The following LRRC20 variants were observed in gnomAD, a reference collection of about 807,000 sequenced individuals.
The protein encoded by LRRC20 is leucine rich repeat containing 20.
In LRRC20, 11 loss-of-function variants were observed where a neutral mutation model predicts 14.4. That is an observed-to-expected ratio of 0.77 (90% CI 0.48 to 1.27). The LOEUF is 1.27. Among genes scored for constraint, LRRC20 ranks in the 50% most tolerant of loss-of-function variants. The pLI is 0.00. For missense variants in LRRC20, 219 were observed against 251.2 expected, an observed-to-expected ratio of 0.87 and a Z score of 0.87; for synonymous variants, 121 against 107.3, an observed-to-expected ratio of 1.13 and a Z score of -0.79.
At chr10:70,331,603 T>G (rs573254441) in intron 3 of LRRC20, among the ~76,000 whole-genome samples, 2 of 152,258 alleles carry the variant, frequency 1.3e-5, no homozygotes, top group African/African-American at 4.8e-5. Context: ...CCCCCTCTTC[T>G]GGACAGAGAG....
At chr10:70,321,099 CT>C (rs1842062400) in intron 4 of LRRC20, among the ~76,000 whole-genome samples, 2 of 152,090 alleles carry the variant, frequency 1.3e-5, no homozygotes, top group Admixed American at 1.3e-4. Flanking sequence ...CTTACTAAAG[CT>C]TTAAAGGCCA....
In LRRC20 at chr10:70,340,559, G is replaced by C. The variant is rs576978660; in HGVS notation, c.226C>G (p.Leu76Val). The C allele has an allele frequency of 3.3e-5, 53 of 1,614,170 alleles. No individual in the cohort carries two copies. The African/African-American group carries it at 5.9e-4, about 18-fold the overall frequency. The change falls in exon 3 of 5, where the codon CTC becomes GTC. Residue 76 changes from leucine to valine, a missense_variant. Leu to Val is a conservative substitution (Grantham distance 32, BLOSUM62 1). Transcript: ENST00000446961. ...GGAGCTGACCAGGGCCTACCTCGGA[G>C]CTGACTGAATGTGGTCATGAACTTG... Reference protein sequence around the residue: ...TSKFMTTFSQLRELHLEGNFL... With the variant: ...TSKFMTTFSQVRELHLEGNFL...
At chr10:70,364,656 G>A (rs746121372) in intron 2 of LRRC20, among the ~76,000 whole-genome samples, 2 of 151,888 alleles carry the variant, frequency 1.3e-5, no homozygotes, top group Non-Finnish European at 2.9e-5. Flanking sequence ...CTCGGCTTCC[G>A]GTCCTTGGCT....
intron 2 of LRRC20, among the ~76,000 whole-genome samples, chr10:70,354,407 T>C (rs900937664): frequency 6.6e-5 from 10 of 152,064 alleles, no homozygotes; most frequent in Admixed American, 4.6e-4. Context: ...CCACACTAAG[T>C]AGCAAGGGCT....
At chr10:70,347,116 C>A (rs1441084478) in intron 2 of LRRC20, among the ~76,000 whole-genome samples, 3 of 152,158 alleles carry the variant, frequency 2.0e-5, no homozygotes, top group African/African-American at 7.2e-5. Flanking sequence ...GAACTCCTGG[C>A]CTCAAGTGAT....
At chr10:70,353,057 T>G (rs1199205946) in intron 2 of LRRC20, among the ~76,000 whole-genome samples, 3 of 152,150 alleles carry the variant, frequency 2.0e-5, no homozygotes, top group Non-Finnish European at 2.9e-5. Context: ...TGGCCAGAAC[T>G]TTCTCCTGCA....
intron 4 of LRRC20, among the ~76,000 whole-genome samples, chr10:70,318,979 G>A (rs1841977547): frequency 6.6e-6 from 1 of 151,394 alleles, no homozygotes; most frequent in African/African-American, 2.4e-5. Flanking sequence ...GCTAATTTTT[G>A]TACTTTTTGT....
chr10:70,326,212 T>G (rs1842312729), intron 3 of LRRC20, among the ~76,000 whole-genome samples: 1 of 151,526 alleles, frequency 6.6e-6, no homozygotes, highest in East Asian at 2.0e-4. Flanking sequence ...AGCCCCACAA[T>G]GCAGCTGCTC....
Position 70,367,424 on chromosome 10 carries a change from G to A in LRRC20, c.82+9028C>T, listed in dbSNP as rs149973152. The stretch of plus-strand genomic sequence containing the variant: ...ATGCAAATGTTTACAGGCTTTGTTC[G>A]TGATGTTAAAAAATGAAACAGTCCA... On this transcript the variant is annotated intron_variant, in intron 2 of 4. Coordinates refer to ENST00000446961, the MANE Select transcript of LRRC20 (RefSeq NM_001278212.2). 2.8e-3 allele frequency among the ~76,000 whole-genome samples: 428 copies of A among 152,016 alleles called. 6 individuals carry two copies. In the East Asian group the frequency reaches 0.032, roughly 11 times the overall value.
At position 70,300,896 on chromosome 10, in the gene LRRC20, C is replaced by T. The variant is rs1841150367; in HGVS notation, c.*458G>A. The T allele has an allele frequency of 1.0e-5, 10 of 988,322 alleles. No individual in the cohort carries two copies. The highest frequency in any genetic ancestry group is 1.2e-5 in the Non-Finnish European group (10 of 832,148). 61.2% of individuals were successfully genotyped at this position (988,322 alleles called of 1,614,324 possible). On this transcript the variant is annotated 3_prime_UTR_variant, in exon 5 of 5. Transcript: ENST00000446961. ...AATAAATAGATGGAGGTTGTCTTCTCTTCTCAGGGCAGCAACTGGCTCTCA... is the reference window on the plus strand; with the variant it reads ...AATAAATAGATGGAGGTTGTCTTCTTTTCTCAGGGCAGCAACTGGCTCTCA...
intron 4 of LRRC20, among the ~76,000 whole-genome samples, chr10:70,313,879 C>T (rs1186020152): frequency 6.6e-6 from 1 of 152,150 alleles, no homozygotes; most frequent in African/African-American, 2.4e-5. Context: ...GCTGGCACCA[C>T]CTGGACCGGT....
chr10:70,307,355 G>A (rs1289698353), intron 4 of LRRC20, among the ~76,000 whole-genome samples: 2 of 152,200 alleles, frequency 1.3e-5, no homozygotes, highest in Non-Finnish European at 2.9e-5. Flanking sequence ...ATATGCCCAG[G>A]AGCAAGACTG....
At chr10:70,319,187 A>AG (rs1302888455) in intron 4 of LRRC20, among the ~76,000 whole-genome samples, 8 of 151,268 alleles carry the variant, frequency 5.3e-5, no homozygotes, top group African/African-American at 7.4e-5. Context: ...AAAAAAAAAA[A>AG]AAAGAAAGAA....
At chr10:70,307,426 G>T (rs1841467065) in intron 4 of LRRC20, among the ~76,000 whole-genome samples, 1 of 152,172 alleles carries the variant, frequency 6.6e-6, no homozygotes, top group Non-Finnish European at 1.5e-5. Flanking sequence ...AATTCCTGTT[G>T]AATCTCCCAG....
At chr10:70,304,183 G>A (rs1010141112) in intron 4 of LRRC20, among the ~76,000 whole-genome samples, 2 of 151,892 alleles carry the variant, frequency 1.3e-5, no homozygotes, top group South Asian at 2.1e-4. Context: ...GGCTGCATCC[G>A]CTCTTCCCCG....
rs75649039 is a variant in LRRC20 at position 70,304,128 on chromosome 10, T to C, written c.401-2620A>G. ...ACCTTTAGGATCACTCAGACAACACTAGGACGCTTGCCCTCGACGCGTGCC... is the reference window on the plus strand; with the variant it reads ...ACCTTTAGGATCACTCAGACAACACCAGGACGCTTGCCCTCGACGCGTGCC... On this transcript the variant is annotated intron_variant, in intron 4 of 4. Coordinates refer to ENST00000446961, the MANE Select transcript of LRRC20 (RefSeq NM_001278212.2). Among the ~76,000 whole-genome samples, 1,286 of 152,128 alleles carry C rather than the reference T, an allele frequency of 8.5e-3. 20 individuals are homozygous for C. The highest frequency in any genetic ancestry group is 0.03 in the African/African-American group (1,236 of 41,522).
At chr10:70,353,878 T>C (rs1368762135) in intron 2 of LRRC20, among the ~76,000 whole-genome samples, 1 of 152,134 alleles carries the variant, frequency 6.6e-6, no homozygotes, top group Non-Finnish European at 1.5e-5. Context: ...AGATCTTCCA[T>C]GATTTACAAT....
At chr10:70,334,568 G>A (rs949686869) in intron 3 of LRRC20, among the ~76,000 whole-genome samples, 12 of 151,788 alleles carry the variant, frequency 7.9e-5, no homozygotes, top group Admixed American at 1.3e-4. Context: ...CCCAAATACC[G>A]CCTAAGACTC....
chr10:70,341,064 C>G (rs764920467), intron 2 of LRRC20, among the ~76,000 whole-genome samples: 30 of 152,214 alleles, frequency 2.0e-4, no homozygotes, highest in Non-Finnish European at 3.4e-4. Context: ...AAAGACTCGA[C>G]AGCGCAGATG....
Sources: gnomAD v4.1 joint callset for allele counts (sites outside exome capture counted in the v4.1 genomes callset) on GRCh38, gnomAD v4.1.1 for gene constraint, MANE v1.5 for transcripts, NCBI Gene and HGNC (gene_info 2026-07-23, HGNC 2026-07-21) for gene names.